Variants in GIMAP8 observed in about 807,000 individuals in gnomAD.
GIMAP8 encodes GTPase, IMAP family member 8, also known as GTPase IMAP family member 8.
A neutral mutation model predicts 35.6 loss-of-function variants in GIMAP8; 29 were observed. The observed-to-expected ratio is 0.81, with a 90% CI of 0.61 to 1.11. The LOEUF is 1.11. Ranked by LOEUF, GIMAP8 falls within the 50% of genes most tolerant of loss-of-function variation. GIMAP8 has a pLI of 0.00. For synonymous variants in GIMAP8, 335 were observed against 308.7 expected (o/e 1.09, Z -0.89); for missense variants, 811 against 805.0 (o/e 1.01, Z -0.09).
intron 1 of GIMAP8, among the ~76,000 whole-genome samples, chr7:150,464,482 G>A (rs948065938): frequency 6.6e-6 from 1 of 152,148 alleles, no homozygotes; most frequent in African/African-American, 2.4e-5. Flanking sequence ...AGGAGTTTGA[G>A]ACCCACCTGG....
In GIMAP8 at chr7:150,467,030, A is replaced by G; in HGVS notation, c.332A>G (p.Glu111Gly). The change falls in exon 2 of 5, where the codon GAG becomes GGG. Residue 111 changes from glutamate to glycine, a missense_variant. Coordinates refer to ENST00000307271, the MANE Select transcript of GIMAP8 (RefSeq NM_175571.4). ...ATCGGCCATTTCACAAGGGAGGATG[A>G]GGAAACAGCCAAGGGCATCCAACAA... The part of the protein sequence containing the change: ...IAIGHFTRED[E>G]ETAKGIQQVF... 1 of 1,614,228 alleles carries G rather than the reference A, an allele frequency of 6.2e-7. No homozygotes were observed. Among genetic ancestry groups the G allele is most frequent in the South Asian group, 1.1e-5 (1 of 91,088 alleles).
intron 2 of GIMAP8, among the ~76,000 whole-genome samples, chr7:150,468,423 G>A (rs1452588967): frequency 6.6e-6 from 1 of 152,182 alleles, no homozygotes; most frequent in Non-Finnish European, 1.5e-5. Context: ...AGTGTGAGGG[G>A]GATGCTAGCA....
At position 150,478,669 on chromosome 7, in the gene GIMAP8, GT is replaced by G. The variant is rs1389691406; in HGVS notation, c.*892del. The G allele has an allele frequency of 2.0e-5, 3 of 152,146 alleles. No homozygotes were observed. Among genetic ancestry groups the G allele is most frequent in the Non-Finnish European group, 4.4e-5 (3 of 68,030 alleles). The allele number at this position is 152,146 out of a possible 1,614,324, so 9.4% of individuals were successfully genotyped here. On this transcript the variant is annotated 3_prime_UTR_variant, in exon 5 of 5. Coordinates refer to ENST00000307271, the MANE Select transcript of GIMAP8 (RefSeq NM_175571.4). ...AACTCAGAGAACTCCAATAATAATG[GT>G]TTAAAAACATCAGGGGCTTCCTGTA...
chr7:150,460,868 T>A (rs913422623), intron 1 of GIMAP8, among the ~76,000 whole-genome samples: 1 of 152,246 alleles, frequency 6.6e-6, no homozygotes, highest in Non-Finnish European at 1.5e-5. Flanking sequence ...CTGACTTTAC[T>A]GTATACTCAG....
At chr7:150,471,781 G>A (rs888670341) in intron 3 of GIMAP8, among the ~76,000 whole-genome samples, 1 of 151,442 alleles carries the variant, frequency 6.6e-6, no homozygotes, top group Non-Finnish European at 1.5e-5. Flanking sequence ...AGATTGCAGT[G>A]AGCTGAGATC....
intron 2 of GIMAP8, among the ~76,000 whole-genome samples, chr7:150,468,513 T>C: frequency 6.6e-6 from 1 of 152,194 alleles, no homozygotes; most frequent in Non-Finnish European, 1.5e-5. Context: ...CAGTTACGCA[T>C]GTCCGTACTA....
In GIMAP8 at chr7:150,467,083, A is replaced by T; in HGVS notation, c.385A>T (p.Ile129Phe). ...GTTTGGAGCTGAAGCCAGGAGGCAC[A>T]TCATTATTGTCTTCACTCGGAAGGA... The part of the protein sequence containing the change: ...QVFGAEARRH[I>F]IIVFTRKDDL... Residue 129 changes from isoleucine to phenylalanine, a missense_variant, in exon 2 of 5, where the codon ATC becomes TTC. Ile to Phe is a conservative substitution (Grantham distance 21). Transcript: ENST00000307271. 1.9e-6 allele frequency: 3 copies of T among 1,614,238 alleles called. No individual in the cohort carries two copies. Among genetic ancestry groups the T allele is most frequent in the Non-Finnish European group, 2.5e-6 (3 of 1,180,038 alleles).
chr7:150,458,401 T>C (rs1448920765), intron 1 of GIMAP8, among the ~76,000 whole-genome samples: 14 of 152,216 alleles, frequency 9.2e-5, no homozygotes, highest in Non-Finnish European at 8.8e-5. Flanking sequence ...GGTCTTCAAC[T>C]GATTGGATGA....
In GIMAP8 at chr7:150,474,029, C is replaced by G; in HGVS notation, c.700C>G (p.Leu234Val). 6.2e-7 allele frequency: 1 copy of G among 1,613,128 alleles called. No homozygotes were observed. Among genetic ancestry groups the G allele is most frequent in the Non-Finnish European group, 8.5e-7 (1 of 1,179,492 alleles). Residue 234 changes from leucine (L) to valine (V), a missense_variant, in exon 4 of 5, where the codon CTG (leucine) becomes GTG (valine). Physicochemically the swap from Leu to Val is conservative, Grantham distance 32. Transcript: ENST00000307271. Reference sequence around the variant, plus strand: ...TCCCACAGGCCCAAGGGAAAGGCAGCTGCAGTCCACAGGACCCGAGCAGAA... The same window carrying G: ...TCCCACAGGCCCAAGGGAAAGGCAGGTGCAGTCCACAGGACCCGAGCAGAA... Reference protein sequence around the residue: ...DKPQGPRERQLQSTGPEQNPG... With the variant: ...DKPQGPRERQVQSTGPEQNPG...
intron 1 of GIMAP8, among the ~76,000 whole-genome samples, chr7:150,464,230 A>G (rs1160186759): frequency 6.6e-6 from 1 of 152,232 alleles, no homozygotes; most frequent in Non-Finnish European, 1.5e-5. Context: ...TAATAAAAAC[A>G]CTACAAATTG....
intron 4 of GIMAP8, among the ~76,000 whole-genome samples, chr7:150,475,419 G>A (rs1329695796): frequency 6.6e-6 from 1 of 152,144 alleles, no homozygotes; most frequent in African/African-American, 2.4e-5. Flanking sequence ...TCTTGAACCG[G>A]TCTTTAATTT....
intron 1 of GIMAP8, among the ~76,000 whole-genome samples, chr7:150,461,103 A>G (rs1235270712): frequency 6.6e-6 from 1 of 152,282 alleles, no homozygotes; most frequent in Non-Finnish European, 1.5e-5. Context: ...CATTGGAGCT[A>G]ATAAATTATA....
chr7:150,473,846 G>A (rs554315557), intron 3 of GIMAP8, among the ~76,000 whole-genome samples, 166 bp from the exon 4 acceptor site: 1 of 152,120 alleles, frequency 6.6e-6, no homozygotes, highest in African/African-American at 2.4e-5. Context: ...CCCTGTTTGT[G>A]GCTTTCACCT....
intron 1 of GIMAP8, among the ~76,000 whole-genome samples, chr7:150,459,456 C>T (rs1801799332): frequency 6.6e-6 from 1 of 152,160 alleles, no homozygotes; most frequent in Non-Finnish European, 1.5e-5. Flanking sequence ...AAAAATGTTG[C>T]TAGTGGGTCA....
chr7:150,461,209 T>C (rs1801837822), intron 1 of GIMAP8, among the ~76,000 whole-genome samples: 1 of 152,214 alleles, frequency 6.6e-6, no homozygotes, highest in South Asian at 2.1e-4. Flanking sequence ...TGTGTAGCTG[T>C]TGGAGGAAAT....
chr7:150,459,321 A>G (rs1054810792), intron 1 of GIMAP8, among the ~76,000 whole-genome samples: 1 of 152,240 alleles, frequency 6.6e-6, no homozygotes, highest in Non-Finnish European at 1.5e-5. Flanking sequence ...TGAGGAGCCC[A>G]AAGTGGCCAG....
At chr7:150,453,330 G>T (rs2070960052) in intron 1 of GIMAP8, among the ~76,000 whole-genome samples, 1 of 152,222 alleles carries the variant, frequency 6.6e-6, no homozygotes, top group Admixed American at 6.5e-5. Flanking sequence ...GTTCTGAGGT[G>T]TCTGAAGCTG....
intron 2 of GIMAP8, 136 bp downstream of exon 2, chr7:150,467,470 G>A (rs963614892): frequency 5.5e-6 from 4 of 726,892 alleles, no homozygotes; most frequent in African/African-American, 1.8e-5. Flanking sequence ...TATATAATTT[G>A]CAGGAATAAG....
intron 1 of GIMAP8, among the ~76,000 whole-genome samples, chr7:150,465,191 G>T (rs1801926961): frequency 6.6e-6 from 1 of 152,214 alleles, no homozygotes; most frequent in African/African-American, 2.4e-5. Flanking sequence ...ATAACTTTCT[G>T]ACTTCACCAT....
Sources: allele counts gnomAD v4.1 joint callset (sites outside exome capture counted in the v4.1 genomes callset), GRCh38; gene constraint gnomAD v4.1.1; transcripts MANE v1.5; gene names NCBI Gene and HGNC (gene_info 2026-07-23, HGNC 2026-07-21).